Variants in DISP1 observed in about 807,000 individuals in gnomAD.
DISP1 encodes protein dispatched homolog 1.
In DISP1, 30 loss-of-function variants were observed where a neutral mutation model predicts 37.3. The observed-to-expected ratio is 0.80, with a 90% CI of 0.60 to 1.09. DISP1 has a LOEUF of 1.09. Ranked by LOEUF, DISP1 falls within the 50% of genes least tolerant of loss-of-function variation. The probability of loss-of-function intolerance (pLI) is 0.00; values close to 1 mark genes in which losing one functional copy is unlikely to be tolerated. For missense variants in DISP1, 1,598 were observed against 1,879.5 expected, an observed-to-expected ratio of 0.85 and a Z score of 2.77; for synonymous variants, 634 against 690.2, an observed-to-expected ratio of 0.92 and a Z score of 1.28.
intron 1 of DISP1, among the ~76,000 whole-genome samples, chr1:222,865,028 T>TA (rs1669107083): frequency 6.6e-6 from 1 of 152,038 alleles, no homozygotes; most frequent in Admixed American, 6.6e-5. Context: ...TTTTATTTGT[T>TA]TGTTTTTGTT....
intron 2 of DISP1, among the ~76,000 whole-genome samples, chr1:222,940,132 A>G (rs369590839): frequency 1.8e-4 from 28 of 151,800 alleles, no homozygotes; most frequent in African/African-American, 3.4e-4. Context: ...TCTCAAAAAA[A>G]AAAAGAAAAG....
At chr1:222,903,191 C>T (rs1293277002) in intron 1 of DISP1, among the ~76,000 whole-genome samples, 3 of 150,742 alleles carry the variant, frequency 2.0e-5, no homozygotes, top group East Asian at 2.0e-4. Context: ...AGCAAACTAT[C>T]GCAAGGACAA....
At chr1:222,944,200 C>T (rs932574315) in intron 3 of DISP1, among the ~76,000 whole-genome samples, 9 of 152,118 alleles carry the variant, frequency 5.9e-5, no homozygotes, top group South Asian at 2.1e-4. Context: ...AATTGTAGCA[C>T]GGGACTTTTA....
In DISP1 at chr1:222,992,086, G is replaced by C; in HGVS notation, c.865G>C (p.Asp289His). ...KREVDWNFHK[D>H]SFFCDVPSDR... ...AGAAGTTGACTGGAACTTCCACAAG[G>C]ACAGCTTTTTCTGCGACGTTCCAAG... The change falls in exon 7 of 9, where the codon GAC (aspartate) becomes CAC (histidine). Residue 289 changes from aspartate to histidine, a missense_variant. Coordinates refer to ENST00000675850, the MANE Select transcript of DISP1 (RefSeq NM_001377229.1). The C allele has an allele frequency of 6.2e-7, 1 of 1,613,860 alleles. No individual in the cohort carries two copies. Among genetic ancestry groups the C allele is most frequent in the South Asian group, 1.1e-5 (1 of 91,074 alleles).
intron 1 of DISP1, among the ~76,000 whole-genome samples, chr1:222,831,999 G>C (rs542561330): frequency 6.6e-6 from 1 of 152,146 alleles, no homozygotes; most frequent in East Asian, 1.9e-4. Context: ...TTACATAGCA[G>C]CTGGGCACGG....
chr1:222,874,639 T>G (rs1408381597), intron 1 of DISP1, among the ~76,000 whole-genome samples: 1 of 152,254 alleles, frequency 6.6e-6, no homozygotes, highest in Admixed American at 6.5e-5. Flanking sequence ...TCTGCATTGG[T>G]TATTCTAGTT....
intron 1 of DISP1, among the ~76,000 whole-genome samples, chr1:222,901,153 G>C (rs1234551023): frequency 6.6e-6 from 1 of 152,148 alleles, no homozygotes; most frequent in Non-Finnish European, 1.5e-5. Flanking sequence ...CTCTGATGGT[G>C]ATAAGTTGTG....
intron 1 of DISP1, among the ~76,000 whole-genome samples, chr1:222,866,698 G>A (rs61840273): frequency 0.12 from 17,722 of 152,060 alleles, 1,372 homozygotes; most frequent in Non-Finnish European, 0.16. Context: ...TAAAGATGAA[G>A]CAAATTAAAA....
chr1:222,918,311 G>C (rs1412360254), intron 1 of DISP1, among the ~76,000 whole-genome samples: 2 of 152,132 alleles, frequency 1.3e-5, no homozygotes, highest in African/African-American at 4.8e-5. Context: ...ATTCCCACTG[G>C]TATTTGGGGA....
At chr1:222,823,680 T>C (rs1262237509) in intron 1 of DISP1, among the ~76,000 whole-genome samples, 2 of 152,082 alleles carry the variant, frequency 1.3e-5, no homozygotes, top group African/African-American at 2.4e-5. Context: ...TAAATAAAAA[T>C]AAATAAGTAA....
intron 3 of DISP1, among the ~76,000 whole-genome samples, chr1:222,976,020 C>G (rs879269442): frequency 6.6e-6 from 1 of 151,988 alleles, no homozygotes; most frequent in Non-Finnish European, 1.5e-5. Context: ...TTTCCTTGGG[C>G]CTTTTCCCAG....
chr1:222,860,745 C>T lies in DISP1; in HGVS notation c.-159+45667C>T, dbSNP rs567446178. Among the ~76,000 whole-genome samples, 15 of 151,976 alleles carry T rather than the reference C, an allele frequency of 9.9e-5. No individual in the cohort carries two copies. In the South Asian group the frequency reaches 2.5e-3, roughly 25 times the overall value. On this transcript the variant is annotated intron_variant, in intron 1 of 8. Coordinates refer to ENST00000675850, the MANE Select transcript of DISP1 (RefSeq NM_001377229.1). ...ACTAAAAATACAAAAATTAGCTGGG[C>T]GGGGTAGCGTGTGCCTGTAGTCCCA...
intron 3 of DISP1, among the ~76,000 whole-genome samples, chr1:222,957,944 T>A (rs572759775): frequency 7.9e-5 from 12 of 152,348 alleles, no homozygotes; most frequent in African/African-American, 2.9e-4. Flanking sequence ...TTTATAGGAT[T>A]TTTGAGTTCA....
chr1:222,937,388 C>T (rs1307609053), intron 2 of DISP1, among the ~76,000 whole-genome samples: 2 of 152,048 alleles, frequency 1.3e-5, no homozygotes, highest in African/African-American at 2.4e-5. Context: ...CTGCGCCCTG[C>T]CCCTCTCTAT....
In DISP1 at chr1:223,003,987, G is replaced by A; in HGVS notation, c.2590G>A (p.Asp864Asn). ...ETFKQWMENQ[D>N]CDEPALYPCC... ...ATTCAAACAGTGGATGGAAAACCAG[G>A]ACTGTGATGAGCCTGCCCTGTACCC... is the stretch of plus-strand genomic sequence containing the variant. The change falls in exon 9 of 9, where the codon GAC becomes AAC. Residue 864 changes from aspartate (D) to asparagine (N), a missense_variant. By Grantham distance (23) the Asp-to-Asn change is conservative (BLOSUM62 1). Transcript: ENST00000675850. This position sits in a 1 kb window ranked among gnomAD's most constrained non-coding sequence, Gnocchi z 4.3. The A allele has an allele frequency of 6.2e-7, 1 of 1,614,132 alleles. No individual in the cohort carries two copies. Among genetic ancestry groups the A allele is most frequent in the Non-Finnish European group, 8.5e-7 (1 of 1,180,034 alleles).
Position 222,992,102 on chromosome 1 carries a change from A to G in DISP1, c.881A>G (p.Asp294Gly), listed in dbSNP as rs764850811. 1.2e-6 allele frequency: 2 copies of G among 1,613,014 alleles called. No individual in the cohort carries two copies. Among genetic ancestry groups the G allele is most frequent in the East Asian group, 4.5e-5 (2 of 44,864 alleles). The change falls in exon 7 of 9, where the codon GAC becomes GGC. Residue 294 changes from aspartate to glycine, a missense_variant. Coordinates refer to ENST00000675850, the MANE Select transcript of DISP1 (RefSeq NM_001377229.1). ...WNFHKDSFFC[D>G]VPSDRYSRVV... is the part of the protein sequence containing the mutation. ...TTCCACAAGGACAGCTTTTTCTGCGACGTTCCAAGTGAGTGACATTGTAGA... is the reference window on the plus strand; with the variant it reads ...TTCCACAAGGACAGCTTTTTCTGCGGCGTTCCAAGTGAGTGACATTGTAGA...
At chr1:222,829,030 T>C (rs573751512) in intron 1 of DISP1, among the ~76,000 whole-genome samples, 75 of 152,294 alleles carry the variant, frequency 4.9e-4, no homozygotes, top group African/African-American at 1.7e-3. Flanking sequence ...GATGAAACTC[T>C]TTCATTTAGA....
intron 4 of DISP1, 39 bp from the exon 5 acceptor site, chr1:222,990,586 A>G: frequency 1.2e-6 from 2 of 1,613,478 alleles, no homozygotes; most frequent in Non-Finnish European, 1.7e-6. Flanking sequence ...TTCTGTAGTT[A>G]TGCAGCTCTG....
At chr1:222,832,608 A>G (rs1666028526) in intron 1 of DISP1, among the ~76,000 whole-genome samples, 1 of 152,188 alleles carries the variant, frequency 6.6e-6, no homozygotes, top group Admixed American at 6.5e-5. Context: ...TAAAATTAAA[A>G]TGAAGGCCCG....
Sources: gnomAD v4.1 joint callset for allele counts (sites outside exome capture counted in the v4.1 genomes callset) on GRCh38, gnomAD v4.1.1 for gene constraint, Gnocchi (gnomAD v3.1) non-coding constraint, MANE v1.5 for transcripts, NCBI Gene and HGNC (gene_info 2026-07-23, HGNC 2026-07-21) for gene names.